The following TXNRD1 variants were observed in gnomAD, a reference collection of about 807,000 sequenced individuals.
The protein encoded by TXNRD1 is thioredoxin reductase 1, cytoplasmic.
In TXNRD1, 57 loss-of-function variants were observed where a neutral mutation model predicts 80.3. The observed-to-expected ratio is 0.71, with a 90% CI of 0.57 to 0.89. The LOEUF is 0.89. TXNRD1 is among the 40% of genes least tolerant of loss of function. The pLI is 0.00. For synonymous variants in TXNRD1, 291 were observed against 285.2 expected, an observed-to-expected ratio of 1.02 and a Z score of -0.20; for missense variants, 730 against 803.0, an observed-to-expected ratio of 0.91 and a Z score of 1.10.
chr12:104,320,878 G>T (rs541223149), intron 9 of TXNRD1, among the ~76,000 whole-genome samples: 1 of 152,048 alleles, frequency 6.6e-6, no homozygotes, highest in Non-Finnish European at 1.5e-5. Flanking sequence ...TTTAGCTATG[G>T]GTAGCTTGAG....
At position 104,321,092 on chromosome 12, in the gene TXNRD1, G is replaced by A; in HGVS notation, c.991G>A (p.Asp331Asn). 6.4e-7 allele frequency: 1 copy of A among 1,558,738 alleles called. No individual in the cohort carries two copies. Among genetic ancestry groups the A allele is most frequent in the South Asian group, 1.1e-5 (1 of 88,152 alleles). Residue 331 changes from aspartate (D) to asparagine (N), a missense_variant and splice_region_variant, in exon 10 of 17, where the codon GAT (aspartate) becomes AAT (asparagine). Coordinates refer to ENST00000525566, the MANE Select transcript of TXNRD1 (RefSeq NM_001093771.3). Reference protein sequence around the residue: ...PGDKEYCISSDDLFSLPYCPG... With the variant: ...PGDKEYCISSNDLFSLPYCPG... The stretch of plus-strand genomic sequence containing the variant: ...TCCTTTTTTTTTTTTTTCCCCCAGT[G>A]ATGATCTTTTCTCCTTGCCTTACTG...
At chr12:104,238,396 C>T (rs2032784287) in intron 1 of TXNRD1, among the ~76,000 whole-genome samples, 1 of 152,178 alleles carries the variant, frequency 6.6e-6, no homozygotes, top group Non-Finnish European at 1.5e-5. Flanking sequence ...AAATGGATTG[C>T]ACTCAGAAAG....
At chr12:104,240,802 G>A (rs934068804) in intron 1 of TXNRD1, among the ~76,000 whole-genome samples, 1 of 150,974 alleles carries the variant, frequency 6.6e-6, no homozygotes, top group East Asian at 1.9e-4. Context: ...GAGTGCAATG[G>A]CACTATCTCG....
chr12:104,236,464 G>T (rs372066898), intron 1 of TXNRD1, among the ~76,000 whole-genome samples: 2 of 152,030 alleles, frequency 1.3e-5, no homozygotes, highest in African/African-American at 4.8e-5. Context: ...GAGTAACAAG[G>T]GATTTTAAAG....
intron 2 of TXNRD1, among the ~76,000 whole-genome samples, chr12:104,254,630 G>GAAAAAAAAAAAAAAAA (rs760022093): frequency 1.7e-4 from 3 of 17,294 alleles, no homozygotes; most frequent in Non-Finnish European, 3.2e-4. Flanking sequence ...TATGTCTATG[G>GAAAAAAAAAAAAAAAA]AAAAAAAAAA....
At chr12:104,255,774 CA>C (rs1323835016) in intron 2 of TXNRD1, among the ~76,000 whole-genome samples, 1 of 152,112 alleles carries the variant, frequency 6.6e-6, no homozygotes, top group African/African-American at 2.4e-5. Context: ...GCCTGGGCAA[CA>C]AAAGTGAAAC....
chr12:104,279,462 C>T (rs1255181487), intron 3 of TXNRD1, among the ~76,000 whole-genome samples: 1 of 152,132 alleles, frequency 6.6e-6, no homozygotes, highest in East Asian at 1.9e-4. Context: ...TGAAAGCAAG[C>T]TAATGACTGA....
chr12:104,345,434 C>G (rs1400278179), intron 16 of TXNRD1, among the ~76,000 whole-genome samples: 2 of 152,138 alleles, frequency 1.3e-5, no homozygotes, highest in African/African-American at 4.8e-5. Context: ...TTGACAAATT[C>G]CTTAGCAAAG....
chr12:104,217,865 C>T (rs1033671227), intron 1 of TXNRD1, among the ~76,000 whole-genome samples: 2 of 152,092 alleles, frequency 1.3e-5, no homozygotes, highest in Admixed American at 6.6e-5. Context: ...GCTTGTTTCA[C>T]TTAGCATACT....
At chr12:104,245,783 A>C (rs2032971753) in intron 1 of TXNRD1, among the ~76,000 whole-genome samples, 1 of 151,834 alleles carries the variant, frequency 6.6e-6, no homozygotes, top group African/African-American at 2.4e-5. Flanking sequence ...ATTTATCAGC[A>C]CTGGGAGTTT....
At chr12:104,291,922 G>A (rs1229156920) in intron 4 of TXNRD1, among the ~76,000 whole-genome samples, 1 of 152,208 alleles carries the variant, frequency 6.6e-6, no homozygotes, top group Non-Finnish European at 1.5e-5. Context: ...AACCCTTAAG[G>A]GAGCTTTGGG....
chr12:104,277,879 C>CTT (rs140314717), intron 3 of TXNRD1, among the ~76,000 whole-genome samples: 47,196 of 141,702 alleles, frequency 0.33, 8,763 homozygotes, highest in East Asian at 0.81. Context: ...TGGCAAGATT[C>CTT]TTTTTTTTTT....
In TXNRD1 at chr12:104,331,613, T is replaced by G. The variant is rs752350921; in HGVS notation, c.1622T>G (p.Val541Gly). 1 of 1,612,404 alleles carries G rather than the reference T, an allele frequency of 6.2e-7. No individual in the cohort carries two copies. The highest frequency in any genetic ancestry group is 8.5e-7 in the Non-Finnish European group (1 of 1,178,982). The part of the protein sequence containing the change: ...GACGLSEEKA[V>G]EKFGEENIEV... ...TGTGGCCTTTCTGAGGAGAAAGCTG[T>G]GGAGAAGTTTGGGGAAGAAAATATT... is the stretch of plus-strand genomic sequence containing the variant. The change falls in exon 14 of 17, where the codon GTG becomes GGG. Residue 541 changes from valine to glycine, a missense_variant. By Grantham distance (109) the Val-to-Gly change is moderately radical. Transcript: ENST00000525566.
intron 3 of TXNRD1, among the ~76,000 whole-genome samples, chr12:104,281,587 T>C (rs1331593158): frequency 1.1e-4 from 17 of 151,862 alleles, no homozygotes; most frequent in Admixed American, 1.1e-3. Flanking sequence ...TTTGTATTTT[T>C]AGTAGAGATG....
At position 104,326,460 on chromosome 12, in the gene TXNRD1, A is replaced by ATTTTTTTTTT. The variant is rs371884469; in HGVS notation, c.1385+50_1385+59dup. On this transcript the variant is annotated intron_variant, in intron 12 of 16. Transcript: ENST00000525566. ...ATCTTTATTATGTCATATTTGTGGGATTTTTTTTTTTTTTTTTTTTTTGAG... is the reference window on the plus strand; with the variant it reads ...ATCTTTATTATGTCATATTTGTGGGATTTTTTTTTTTTTTTTTTTTTTTTTTTTTTTTGAG... 3.5e-5 allele frequency: 19 copies of ATTTTTTTTTT among 540,172 alleles called. 3 individuals carry two copies. Among genetic ancestry groups the ATTTTTTTTTT allele is most frequent in the Admixed American group, 5.6e-5 (1 of 17,860 alleles). The allele number at this position is 540,172 out of a possible 1,614,324, so 33.5% of individuals were successfully genotyped here. A position where few individuals can be genotyped will look rare whatever the true frequency, so the allele number is the denominator to read the frequency against.
In TXNRD1 at chr12:104,294,242, C is replaced by G. The variant is rs867811948; in HGVS notation, c.414+5202C>G. Among the ~76,000 whole-genome samples the G allele has an allele frequency of 2.0e-3, 242 of 118,894 alleles. 46 individuals are homozygous for G. Among genetic ancestry groups the G allele is most frequent in the African/African-American group, 6.5e-3 (205 of 31,526 alleles). 78.0% of individuals were successfully genotyped at this position (118,894 alleles called of 152,430 possible). On this transcript the variant is annotated intron_variant, in intron 4 of 16. Coordinates refer to ENST00000525566, the MANE Select transcript of TXNRD1 (RefSeq NM_001093771.3). ...ACTCCCCCGGGGAAAGGCCCCCCCC[C>G]CCGCCGCCGGCTTTCCCGGTCTGCT...
chr12:104,309,151 C>T (rs777305833), intron 4 of TXNRD1, among the ~76,000 whole-genome samples: 2 of 152,186 alleles, frequency 1.3e-5, no homozygotes, highest in Middle Eastern at 3.4e-3. Flanking sequence ...CCTCCCGCTT[C>T]GGCCTCCCAA....
At chr12:104,287,442 G>A (rs901744789) in intron 3 of TXNRD1, 37 of 1,612,954 alleles carry the variant, frequency 2.3e-5, no homozygotes, top group South Asian at 3.3e-5. Flanking sequence ...GTATTGTATC[G>A]TTTCTTACAG....
intron 2 of TXNRD1, among the ~76,000 whole-genome samples, chr12:104,254,717 G>C (rs1013452616): frequency 6.7e-6 from 1 of 149,140 alleles, no homozygotes; most frequent in Non-Finnish European, 1.5e-5. Context: ...AGGCTGAGGT[G>C]AGAGGATCAC....
Sources: gnomAD v4.1 joint callset for allele counts (sites outside exome capture counted in the v4.1 genomes callset) on GRCh38, gnomAD v4.1.1 for gene constraint, MANE v1.5 for transcripts, NCBI Gene and HGNC (gene_info 2026-07-23, HGNC 2026-07-21) for gene names.